Variants in FRY observed in about 807,000 individuals in gnomAD.
FRY encodes FRY microtubule binding protein.
In FRY, 128 loss-of-function variants were observed where a neutral mutation model predicts 348.4. The observed-to-expected ratio is 0.37, with a 90% CI of 0.32 to 0.43. The LOEUF is 0.43. Among genes scored for constraint, FRY ranks in the 20% least tolerant of loss-of-function variants. The pLI is 1.00. For synonymous variants in FRY, 1,370 were observed against 1,374.7 expected (o/e 1.00, Z 0.08); for missense variants, 2,736 against 3,695.2 (o/e 0.74, Z 6.73).
At chr13:32,042,857 G>A (rs1302049628) in intron 1 of FRY, among the ~76,000 whole-genome samples, 1 of 152,176 alleles carries the variant, frequency 6.6e-6, no homozygotes, top group Non-Finnish European at 1.5e-5. Flanking sequence ...GCACTGGGCT[G>A]GGTACACCTT....
At chr13:32,209,533 G>A (rs1297991795) in intron 32 of FRY, 52 bp from the exon 33 acceptor site, 2 of 1,584,994 alleles carry the variant, frequency 1.3e-6, no homozygotes, top group African/African-American at 1.3e-5. Flanking sequence ...CAAACCTTTT[G>A]CGTCCTTACA....
At chr13:32,274,791 A>C (rs1053889629) in intron 55 of FRY, 51 bp from the exon 56 acceptor site, 3 of 1,418,660 alleles carry the variant, frequency 2.1e-6, no homozygotes, top group Non-Finnish European at 3.0e-6. Flanking sequence ...ATGTTTTATC[A>C]TATATAAGTT....
chr13:32,242,423 T>C (rs1384353415), intron 46 of FRY, among the ~76,000 whole-genome samples: 1 of 152,234 alleles, frequency 6.6e-6, no homozygotes, highest in Non-Finnish European at 1.5e-5. Context: ...TATTTTTTAA[T>C]TTAACACTTT....
At position 32,299,012 on chromosome 13, in the gene FRY, G is replaced by A. The variant is rs181776993; in HGVS notation, c.*3552G>A. The A allele has an allele frequency of 6.6e-6, 1 of 152,222 alleles. No homozygotes were observed. Among genetic ancestry groups the A allele is most frequent in the Non-Finnish European group, 1.5e-5 (1 of 68,034 alleles). The allele number at this position is 152,222 out of a possible 1,614,324, so 9.4% of individuals were successfully genotyped here. A position where few individuals can be genotyped will look rare whatever the true frequency, so the allele number is the denominator to read the frequency against. ...AAAGCTCTATAACAAAAGTTCCGTT[G>A]TGGTGGTTATACAGCATTGTGAATG... On this transcript the variant is annotated 3_prime_UTR_variant, in exon 61 of 61. Transcript: ENST00000542859.
chr13:32,162,547 T>C (rs1881512217), intron 17 of FRY, among the ~76,000 whole-genome samples: 1 of 152,140 alleles, frequency 6.6e-6, no homozygotes, highest in Admixed American at 6.5e-5. Context: ...TTTTAGAAAC[T>C]ACTGCCCTTT....
At chr13:32,250,111 A>G (rs1887001800) in intron 49 of FRY, among the ~76,000 whole-genome samples, 1 of 152,146 alleles carries the variant, frequency 6.6e-6, no homozygotes, top group African/African-American at 2.4e-5. Flanking sequence ...CTGCCCACGG[A>G]ACAGGCACCT....
intron 55 of FRY, among the ~76,000 whole-genome samples, chr13:32,273,227 T>C (rs963002773): frequency 2.0e-5 from 3 of 147,482 alleles, no homozygotes; most frequent in African/African-American, 7.5e-5. Flanking sequence ...CTGTTCTTTT[T>C]TTTTTTTTTT....
intron 14 of FRY, among the ~76,000 whole-genome samples, chr13:32,152,610 A>G (rs1880865082): frequency 6.6e-6 from 1 of 152,194 alleles, no homozygotes; most frequent in Non-Finnish European, 1.5e-5. Flanking sequence ...TATAATTTGC[A>G]CTATAAACAA....
At chr13:32,109,828 A>G (rs761020575) in intron 3 of FRY, among the ~76,000 whole-genome samples, 6 of 152,232 alleles carry the variant, frequency 3.9e-5, no homozygotes, top group Non-Finnish European at 7.3e-5. Context: ...TGGTCACTCA[A>G]CAAACACTGA....
intron 51 of FRY, 72 bp downstream of exon 51, chr13:32,254,466 G>A: frequency 7.7e-7 from 1 of 1,300,216 alleles, no homozygotes; most frequent in Non-Finnish European, 1.1e-6. Context: ...CTTTTTACCT[G>A]CTAAATAATG....
chr13:32,085,471 C>T (rs942888548), intron 2 of FRY, among the ~76,000 whole-genome samples: 9 of 152,134 alleles, frequency 5.9e-5, no homozygotes, highest in African/African-American at 2.2e-4. Flanking sequence ...CTGACTGATC[C>T]GGATTTGACT....
chr13:32,124,914 G>A lies in FRY; in HGVS notation c.716+39G>A, dbSNP rs9590774. 4,714 of 1,412,350 alleles carry A rather than the reference G, an allele frequency of 3.3e-3. 88 individuals are homozygous for A. The African/African-American group carries it at 0.046, about 14-fold the overall frequency. 87.5% of individuals were successfully genotyped at this position (1,412,350 alleles called of 1,614,324 possible). A position where few individuals can be genotyped will look rare whatever the true frequency, so the allele number is the denominator to read the frequency against. On this transcript the variant is annotated intron_variant, in intron 7 of 60. Coordinates refer to ENST00000542859, the MANE Select transcript of FRY (RefSeq NM_023037.3). ...AGAACCCTTTACCATGAGAACGTGC[G>A]TGCTTTCACTGTCCTTCCAGCCCTA... is the stretch of plus-strand genomic sequence containing the variant.
At chr13:32,182,889 G>T in intron 23 of FRY, 88 bp from the exon 24 acceptor site, 2 of 822,390 alleles carry the variant, frequency 2.4e-6, no homozygotes, top group South Asian at 2.9e-5. Context: ...AAAAGCAAGT[G>T]ATTTGGGATT....
At position 32,088,475 on chromosome 13, in the gene FRY, C is replaced by T. The variant is rs148138941; in HGVS notation, c.270+9442C>T. On this transcript the variant is annotated intron_variant, in intron 2 of 60. Transcript: ENST00000542859. ...TTCACCAAAAACTTGAAAATTCACCCTAACCCAGAAACATAGCATTGTTAG... is the reference window on the plus strand; with the variant it reads ...TTCACCAAAAACTTGAAAATTCACCTTAACCCAGAAACATAGCATTGTTAG... 1.3e-3 allele frequency among the ~76,000 whole-genome samples: 194 copies of T among 152,306 alleles called. 1 individual carries two copies. The highest frequency in any genetic ancestry group is 4.4e-3 in the African/African-American group (183 of 41,564).
chr13:32,265,462 C>T lies in FRY; in HGVS notation c.7792C>T (p.Arg2598Cys), dbSNP rs1212764958. ...ISEGSKAEAVREEEDTTVHED... is the reference protein window; with the variant it reads ...ISEGSKAEAVCEEEDTTVHED... ...TTTATTCTTCCAGGCTGAAGCTGTT[C>T]GTGAGGAGGAGGACACCACCGTGCA... The change falls in exon 54 of 61, where the codon CGT becomes TGT. Residue 2598 changes from arginine (R) to cysteine (C), a missense_variant. Coordinates refer to ENST00000542859, the MANE Select transcript of FRY (RefSeq NM_023037.3). 20 of 1,613,868 alleles carry T rather than the reference C, an allele frequency of 1.2e-5. No individual in the cohort carries two copies. Among genetic ancestry groups the T allele is most frequent in the East Asian group, 2.2e-5 (1 of 44,898 alleles).
intron 4 of FRY, among the ~76,000 whole-genome samples, chr13:32,120,769 C>T (rs536622242): frequency 3.3e-5 from 5 of 152,344 alleles, no homozygotes; most frequent in Non-Finnish European, 4.4e-5. Context: ...TCAAGTGATT[C>T]TCCTGCCTCA....
intron 11 of FRY, among the ~76,000 whole-genome samples, chr13:32,145,378 G>A (rs187953274): frequency 2.6e-5 from 4 of 152,230 alleles, no homozygotes; most frequent in Admixed American, 2.0e-4. Flanking sequence ...AAGGAAATGA[G>A]AATGGATAAG....
intron 3 of FRY, among the ~76,000 whole-genome samples, chr13:32,116,551 G>A (rs1339390841): frequency 6.6e-6 from 1 of 152,070 alleles, no homozygotes; most frequent in Non-Finnish European, 1.5e-5. Context: ...CTAATACAAA[G>A]TCACAAAGGT....
At chr13:32,268,281 A>T (rs961488661) in intron 55 of FRY, among the ~76,000 whole-genome samples, 3 of 152,110 alleles carry the variant, frequency 2.0e-5, no homozygotes, top group Non-Finnish European at 4.4e-5. Flanking sequence ...AGAGAGAAAC[A>T]TGCCTTGCTG....
Sources: allele counts gnomAD v4.1 joint callset (sites outside exome capture counted in the v4.1 genomes callset), GRCh38; gene constraint gnomAD v4.1.1; transcripts MANE v1.5; gene names NCBI Gene and HGNC (gene_info 2026-07-23, HGNC 2026-07-21).